The following MAP3K3 variants were observed in gnomAD, a reference collection of about 807,000 sequenced individuals.
The protein encoded by MAP3K3 is MAP/ERK kinase kinase 3.
Under a neutral mutation model 80.9 loss-of-function variants are expected in MAP3K3, and 12 were observed. The observed-to-expected ratio is 0.15, with a 90% CI of 0.10 to 0.24. The LOEUF is 0.24. Among genes scored for constraint, MAP3K3 ranks in the 10% least tolerant of loss-of-function variants. The pLI is 1.00. For missense variants in MAP3K3, 596 were observed against 834.7 expected, an observed-to-expected ratio of 0.71 and a Z score of 3.52; for synonymous variants, 272 against 307.1, an observed-to-expected ratio of 0.89 and a Z score of 1.19.
In MAP3K3 at chr17:63,689,693, G is replaced by A. The variant is rs907003390; in HGVS notation, c.1021G>A (p.Glu341Lys). 10 of 1,613,942 alleles carry A rather than the reference G, an allele frequency of 6.2e-6. No homozygotes were observed. The highest frequency in any genetic ancestry group is 2.2e-5 in the South Asian group (2 of 91,018). ...PRGRLRSADS[E>K]NALSVQERNV... is the part of the protein sequence containing the mutation. ...TGGGCGCCTGCGGAGTGCGGACAGC[G>A]AGAATGCCCTCTCTGTGCAGGAGAG... is the stretch of plus-strand genomic sequence containing the variant. Residue 341 changes from glutamate (E) to lysine (K), a missense_variant, in exon 11 of 16, where the codon GAG (glutamate) becomes AAG (lysine). Glu to Lys is a moderately conservative substitution (Grantham distance 56, BLOSUM62 1). Coordinates refer to ENST00000361733, the MANE Select transcript of MAP3K3 (RefSeq NM_002401.5). The surrounding 1 kb of genome is among the most constrained non-coding windows in gnomAD (Gnocchi z 4.3).
At chr17:63,659,785 C>G (rs982812862) in intron 5 of MAP3K3, among the ~76,000 whole-genome samples, 3 of 152,026 alleles carry the variant, frequency 2.0e-5, no homozygotes, top group Non-Finnish European at 2.9e-5. Flanking sequence ...CCCGCCTTGG[C>G]CTCCCAAAGT....
chr17:63,623,419 A>C (rs2034035532), intron 1 of MAP3K3, among the ~76,000 whole-genome samples: 1 of 152,166 alleles, frequency 6.6e-6, no homozygotes, highest in Non-Finnish European at 1.5e-5. Flanking sequence ...TAGAATTCAC[A>C]TCCTACTTTT....
chr17:63,681,664 C>T, intron 6 of MAP3K3, 102 bp from the exon 7 acceptor site: 1 of 1,135,296 alleles, frequency 8.8e-7, no homozygotes. Context: ...CCATCTGAGT[C>T]ACATTCCTGA....
intron 6 of MAP3K3, among the ~76,000 whole-genome samples, chr17:63,678,195 C>T (rs967918108): frequency 9.2e-5 from 14 of 152,066 alleles, no homozygotes; most frequent in Admixed American, 7.2e-4. Flanking sequence ...GATGATAATG[C>T]ACCACCACTG....
At chr17:63,651,181 C>T (rs918778184) in intron 3 of MAP3K3, among the ~76,000 whole-genome samples, 7 of 152,046 alleles carry the variant, frequency 4.6e-5, no homozygotes, top group Non-Finnish European at 1.0e-4. Flanking sequence ...CAACCTAATA[C>T]ATTCATTCAA....
chr17:63,648,392 G>A (rs1490835644), intron 3 of MAP3K3, among the ~76,000 whole-genome samples: 1 of 152,044 alleles, frequency 6.6e-6, no homozygotes, highest in Non-Finnish European at 1.5e-5. Context: ...AAGAAGGAGG[G>A]GTATGATTTG....
At chr17:63,688,674 T>G in intron 9 of MAP3K3, 80 bp downstream of exon 9, 1 of 1,452,064 alleles carries the variant, frequency 6.9e-7, no homozygotes. Flanking sequence ...CTTTTCTGAG[T>G]CAGTAGCTCT....
rs1007664390 is a variant in MAP3K3, at chr17:63,688,421, C to A, written c.711-106C>A. ...GCTATTTCCCGCAAAATCTGCTTCC[C>A]CCACCTAATGCTGTGGCAGGGGTTA... On this transcript the variant is annotated intron_variant, in intron 8 of 15. Transcript: ENST00000361733. 16 of 869,236 alleles carry A rather than the reference C, an allele frequency of 1.8e-5. No homozygotes were observed. In the African/African-American group the frequency reaches 2.3e-4, roughly 13 times the overall value. 53.8% of individuals were successfully genotyped at this position (869,236 alleles called of 1,614,324 possible). A position where few individuals can be genotyped will look rare whatever the true frequency, so the allele number is the denominator to read the frequency against.
At chr17:63,644,920 T>C (rs1344777259) in intron 2 of MAP3K3, among the ~76,000 whole-genome samples, 2 of 152,210 alleles carry the variant, frequency 1.3e-5, no homozygotes, top group African/African-American at 4.8e-5. Context: ...CCTGCCCATC[T>C]TACCTTTCTT....
Position 63,622,752 on chromosome 17 carries a change from T to A in MAP3K3, c.-8T>A. ...CGGACCTTAGCCACCGCCGCCGCCA[T>A]CGCCACCATGGGTAAGTGTCGCCAC... On this transcript the variant is annotated 5_prime_UTR_variant, in exon 1 of 16. Transcript: ENST00000361733. The A allele has an allele frequency of 1.9e-6, 1 of 526,924 alleles. No individual in the cohort carries two copies. Among genetic ancestry groups the A allele is most frequent in the Admixed American group, 2.2e-5 (1 of 44,750 alleles). The allele number at this position is 526,924 out of a possible 1,614,324, so 32.6% of individuals were successfully genotyped here.
chr17:63,631,621 T>G (rs1033108729), intron 1 of MAP3K3, among the ~76,000 whole-genome samples: 1 of 152,198 alleles, frequency 6.6e-6, no homozygotes, highest in Non-Finnish European at 1.5e-5. Context: ...TGGGAAAAAT[T>G]TGTACAACAT....
rs1281486272 is a variant in MAP3K3 at position 63,688,889 on chromosome 17, C to G, written c.871+8C>G. Reference sequence around the variant, plus strand: ...ACAAGGACTACAGTGATGGTGAGTTCTTCTTCACCTGCTCCCTGCTGGCTG... The same window carrying G: ...ACAAGGACTACAGTGATGGTGAGTTGTTCTTCACCTGCTCCCTGCTGGCTG... On this transcript the variant is annotated splice_region_variant and intron_variant, in intron 10 of 15. Coordinates refer to ENST00000361733, the MANE Select transcript of MAP3K3 (RefSeq NM_002401.5). 1.9e-6 allele frequency: 3 copies of G among 1,604,072 alleles called. No individual in the cohort carries two copies. The highest frequency in any genetic ancestry group is 2.6e-6 in the Non-Finnish European group (3 of 1,171,000).
intron 2 of MAP3K3, among the ~76,000 whole-genome samples, chr17:63,638,733 C>T (rs953681972): frequency 2.0e-5 from 3 of 152,182 alleles, no homozygotes; most frequent in African/African-American, 4.8e-5. Flanking sequence ...CCTATGGTCA[C>T]GCTTCTCAGA....
intron 6 of MAP3K3, among the ~76,000 whole-genome samples, chr17:63,679,452 T>A (rs1056344965): frequency 1.3e-5 from 2 of 152,280 alleles, no homozygotes; most frequent in Non-Finnish European, 2.9e-5. Context: ...TACTTCCAGG[T>A]ACAGGCTGAG....
intron 1 of MAP3K3, among the ~76,000 whole-genome samples, chr17:63,622,994 C>T (rs1441728100): frequency 1.3e-5 from 2 of 149,684 alleles, no homozygotes; most frequent in African/African-American, 4.9e-5. Flanking sequence ...GGCAGCCCTC[C>T]TTCTGGGCGG....
In MAP3K3 at chr17:63,688,532, C is replaced by G; in HGVS notation, c.716C>G (p.Ser239Cys). The G allele has an allele frequency of 6.2e-7, 1 of 1,614,008 alleles. No homozygotes were observed. Among genetic ancestry groups the G allele is most frequent in the South Asian group, 1.1e-5 (1 of 91,080 alleles). The change falls in exon 9 of 16, where the codon TCC becomes TGC. Residue 239 changes from serine (S) to cysteine (C), a missense_variant. By Grantham distance (112) the Ser-to-Cys change is moderately radical. Around this residue, in one of 2 missense-constraint regions of MAP3K3, gnomAD observed 364 missense variants for 588.9 expected, o/e 0.62. Coordinates refer to ENST00000361733, the MANE Select transcript of MAP3K3 (RefSeq NM_002401.5). Reference protein sequence around the residue: ...QSLDRSADSPSFRKSRMSRAQ... With the variant: ...QSLDRSADSPCFRKSRMSRAQ... ...TTTCTTTTTGTTTTCTCCAGCCCAT[C>G]CTTCCGGAAATCACGAATGTCCCGT... is the stretch of plus-strand genomic sequence containing the variant.
chr17:63,673,508 C>T (rs1181864545), intron 6 of MAP3K3, among the ~76,000 whole-genome samples: 1 of 152,178 alleles, frequency 6.6e-6, no homozygotes, highest in Non-Finnish European at 1.5e-5. Flanking sequence ...TGAAGACATC[C>T]TCTCTCATAC....
intron 2 of MAP3K3, among the ~76,000 whole-genome samples, chr17:63,636,291 C>G (rs1248169174): frequency 6.6e-6 from 1 of 152,194 alleles, no homozygotes; most frequent in African/African-American, 2.4e-5. Context: ...GAGCTATTAA[C>G]AATTTTCTAG....
Position 63,634,919 on chromosome 17 carries a change from G to C in MAP3K3, c.126+2117G>C, listed in dbSNP as rs1467881682. On this transcript the variant is annotated intron_variant, in intron 2 of 15. Coordinates refer to ENST00000361733, the MANE Select transcript of MAP3K3 (RefSeq NM_002401.5). ...TTTAGTGGATTTGTAAAAAGCATTG[G>C]TTACCCGTGACCTGTGTTCAGTGCT... 3.7e-5 allele frequency: 33 copies of C among 880,740 alleles called. No homozygotes were observed. The East Asian group carries it at 7.7e-4, about 20-fold the overall frequency. The allele number at this position is 880,740 out of a possible 1,614,324, so 54.6% of individuals were successfully genotyped here.
Sources: gnomAD v4.1 joint callset for allele counts (sites outside exome capture counted in the v4.1 genomes callset) on GRCh38, gnomAD v4.1.1 for gene constraint, gnomAD v4.1.1 regional missense constraint, Gnocchi (gnomAD v3.1) non-coding constraint, MANE v1.5 for transcripts, NCBI Gene and HGNC (gene_info 2026-07-23, HGNC 2026-07-21) for gene names.